CERS6: variants seen among roughly 807,000 people sequenced by gnomAD.
The protein encoded by CERS6 is ceramide synthase 6, also known as LAG1 homolog, ceramide synthase 6.
In CERS6, 26 loss-of-function variants were observed where a neutral mutation model predicts 56.8. That is an observed-to-expected ratio of 0.46 (90% confidence interval 0.34 to 0.63). CERS6 has a LOEUF of 0.63. Ranked by LOEUF, CERS6 falls within the 30% of genes least tolerant of loss-of-function variation. The pLI, the probability that CERS6 is intolerant of heterozygous loss-of-function variation, is 0.01. For synonymous variants in CERS6, 164 were observed against 173.3 expected (o/e 0.95, Z 0.42); for missense variants, 415 against 467.5 (o/e 0.89, Z 1.04).
At chr2:168,477,156 A>G (rs1694087793) in intron 1 of CERS6, among the ~76,000 whole-genome samples, 1 of 146,088 alleles carries the variant, frequency 6.8e-6, no homozygotes, top group South Asian at 2.3e-4. Flanking sequence ...TGAGGGAGGA[A>G]AGGAATGAGG....
At chr2:168,593,193 G>C (rs897428325) in intron 3 of CERS6, among the ~76,000 whole-genome samples, 1 of 152,056 alleles carries the variant, frequency 6.6e-6, no homozygotes. Flanking sequence ...CCGAAACATC[G>C]GGATAATATC....
rs150146608 is a variant in CERS6 at position 168,640,456 on chromosome 2, A to T, written c.465+9414A>T. 2.8e-3 allele frequency among the ~76,000 whole-genome samples: 423 copies of T among 152,296 alleles called. 4 individuals are homozygous for T. The highest frequency in any genetic ancestry group is 9.3e-3 in the African/African-American group (386 of 41,554). On this transcript the variant is annotated intron_variant, in intron 4 of 9. Transcript: ENST00000305747. ...TTCATTTGTTCATTCTTTCTTTAAG[A>T]ATCTGTTGAGCACCCATCCTATGAC...
chr2:168,572,390 T>A (rs1696005344), intron 3 of CERS6, among the ~76,000 whole-genome samples: 1 of 152,060 alleles, frequency 6.6e-6, no homozygotes, highest in Non-Finnish European at 1.5e-5. Context: ...TTAAAAGTTC[T>A]TCTCACCCAC....
intron 6 of CERS6, among the ~76,000 whole-genome samples, chr2:168,698,746 G>A (rs1686731044): frequency 6.6e-6 from 1 of 152,074 alleles, no homozygotes; most frequent in South Asian, 2.1e-4. Context: ...GTATCATTTT[G>A]TATTACTTTA....
At chr2:168,751,395 C>T (rs1325889047) in intron 8 of CERS6, among the ~76,000 whole-genome samples, 4 of 152,140 alleles carry the variant, frequency 2.6e-5, no homozygotes, top group African/African-American at 9.7e-5. Flanking sequence ...GAGCCCATGC[C>T]ACTTCAGTAA....
chr2:168,534,016 G>T (rs993662509), intron 1 of CERS6, among the ~76,000 whole-genome samples: 4 of 151,904 alleles, frequency 2.6e-5, no homozygotes, highest in Non-Finnish European at 5.9e-5. Context: ...TTTGGCTATT[G>T]ATAGTTGTGT....
At chr2:168,517,499 A>G (rs182368577) in intron 1 of CERS6, among the ~76,000 whole-genome samples, 1 of 137,946 alleles carries the variant, frequency 7.2e-6, no homozygotes, top group Non-Finnish European at 1.5e-5. Context: ...CTCAAAAAAT[A>G]AATAAATAAA....
intron 1 of CERS6, among the ~76,000 whole-genome samples, chr2:168,539,889 C>G (rs1396719642): frequency 6.6e-6 from 1 of 152,176 alleles, no homozygotes; most frequent in East Asian, 1.9e-4. Flanking sequence ...TTGGATTTAA[C>G]TGTTTCATCT....
chr2:168,750,550 C>G (rs886332566), intron 8 of CERS6, among the ~76,000 whole-genome samples: 1 of 152,182 alleles, frequency 6.6e-6, no homozygotes, highest in Non-Finnish European at 1.5e-5. Context: ...ACATTGTACT[C>G]TCAGCATTTT....
chr2:168,628,183 G>A (rs1024446699), intron 3 of CERS6, among the ~76,000 whole-genome samples: 3 of 152,072 alleles, frequency 2.0e-5, no homozygotes, highest in East Asian at 1.9e-4. Flanking sequence ...TTAACATGCC[G>A]TTTTCTTTCC....
chr2:168,705,348 C>T (rs554526965), intron 6 of CERS6, among the ~76,000 whole-genome samples: 5 of 151,972 alleles, frequency 3.3e-5, no homozygotes, highest in East Asian at 1.9e-4. Context: ...GAGGAGAAAA[C>T]GCAAGCATCA....
At chr2:168,665,952 C>CGTGTGTGTGTGTGTG (rs1553505785) in intron 4 of CERS6, among the ~76,000 whole-genome samples, 8 of 143,290 alleles carry the variant, frequency 5.6e-5, no homozygotes, top group Admixed American at 3.5e-4. Flanking sequence ...AATTAGTAGA[C>CGTGTGTGTGTGTGTG]TGTGTGTGTG....
intron 3 of CERS6, among the ~76,000 whole-genome samples, chr2:168,597,035 A>G (rs990925503): frequency 6.6e-6 from 1 of 152,158 alleles, no homozygotes; most frequent in Non-Finnish European, 1.5e-5. Flanking sequence ...ATTGGTGAAC[A>G]TTGAAGTCAA....
chr2:168,573,554 G>A (rs565291563), intron 3 of CERS6, among the ~76,000 whole-genome samples: 8 of 152,274 alleles, frequency 5.3e-5, no homozygotes, highest in Non-Finnish European at 1.0e-4. Context: ...CCTGTAGTAG[G>A]ATTCTGCCAG....
chr2:168,567,765 G>A (rs1033109350), intron 3 of CERS6, among the ~76,000 whole-genome samples: 9 of 152,216 alleles, frequency 5.9e-5, no homozygotes, highest in Non-Finnish European at 1.3e-4. Flanking sequence ...ATAGAAAAAT[G>A]TGAATAGTTC....
intron 4 of CERS6, among the ~76,000 whole-genome samples, chr2:168,649,873 A>G (rs1834270): frequency 0.35 from 53,016 of 151,670 alleles, 12,254 homozygotes; most frequent in African/African-American, 0.65. Flanking sequence ...AGGGTTCCCT[A>G]TTTGCTTCCC....
chr2:168,718,304 G>C (rs1215232665), intron 8 of CERS6, among the ~76,000 whole-genome samples: 1 of 152,182 alleles, frequency 6.6e-6, no homozygotes, highest in Non-Finnish European at 1.5e-5. Context: ...CCGTGGTGTT[G>C]CAAACAAGTA....
At chr2:168,718,036 C>A in intron 8 of CERS6, 58 bp downstream of exon 8, 1 of 1,263,580 alleles carries the variant, frequency 7.9e-7, no homozygotes, top group Admixed American at 2.0e-5. Context: ...GCTTTCTGAA[C>A]CATTTTCCTT....
At chr2:168,645,501 T>G (rs1685177666) in intron 4 of CERS6, among the ~76,000 whole-genome samples, 1 of 152,054 alleles carries the variant, frequency 6.6e-6, no homozygotes, top group Non-Finnish European at 1.5e-5. Context: ...AAAGTTATGC[T>G]TAGTATAAAA....
Sources: gnomAD v4.1 joint callset for allele counts (sites outside exome capture counted in the v4.1 genomes callset) on GRCh38, gnomAD v4.1.1 for gene constraint, MANE v1.5 for transcripts, NCBI Gene and HGNC (gene_info 2026-07-23, HGNC 2026-07-21) for gene names.